ATP8A2: variants seen among roughly 807,000 people sequenced by gnomAD.
ATP8A2 encodes phospholipid-transporting ATPase IB.
ATP8A2 carries 100 observed loss-of-function variants against 165.6 expected under a neutral mutation model. The observed-to-expected ratio is 0.60, with a 90% confidence interval of 0.51 to 0.71. The LOEUF (loss-of-function observed/expected upper bound fraction) is 0.71. ATP8A2 is among the 30% of genes least tolerant of loss of function. The pLI is 0.00. For missense variants in ATP8A2, 1,227 were observed against 1,479.5 expected (o/e 0.83, Z 2.80); for synonymous variants, 543 against 548.8 (o/e 0.99, Z 0.15).
chr13:25,591,693 C>T (rs531440887), intron 24 of ATP8A2, among the ~76,000 whole-genome samples: 1 of 151,810 alleles, frequency 6.6e-6, no homozygotes, highest in Non-Finnish European at 1.5e-5. Flanking sequence ...AGTGATTCAC[C>T]TGCCTCAGCC....
intron 36 of ATP8A2, among the ~76,000 whole-genome samples, chr13:26,013,294 A>G (rs568566633): frequency 2.0e-5 from 3 of 151,306 alleles, no homozygotes; most frequent in Non-Finnish European, 1.5e-5. Context: ...CACCCCCATC[A>G]CGTGCACACG....
At chr13:25,530,195 G>T (rs1211274681) in intron 3 of ATP8A2, 97 bp downstream of exon 3, 5 of 756,536 alleles carry the variant, frequency 6.6e-6, no homozygotes, top group African/African-American at 5.3e-5. Flanking sequence ...TATAATCTTG[G>T]AATATAGTTT....
intron 33 of ATP8A2, among the ~76,000 whole-genome samples, chr13:25,874,411 C>T (rs4770881): frequency 0.053 from 8,026 of 152,276 alleles, 542 homozygotes; most frequent in African/African-American, 0.13. Context: ...CCTGGACCTA[C>T]GTGCTCCTAT....
intron 1 of ATP8A2, among the ~76,000 whole-genome samples, chr13:25,463,646 T>C (rs1278830741): frequency 6.6e-6 from 1 of 152,072 alleles, no homozygotes; most frequent in African/African-American, 2.4e-5. Flanking sequence ...ACGCACACAT[T>C]CCAAGTGAGT....
At chr13:25,567,099 C>G in intron 16 of ATP8A2, 1 of 301,998 alleles carries the variant, frequency 3.3e-6, no homozygotes, top group Non-Finnish European at 6.6e-6. Flanking sequence ...CCCCTACATG[C>G]TACTGGGATT....
At chr13:25,478,787 C>T (rs1227645077) in intron 2 of ATP8A2, among the ~76,000 whole-genome samples, 2 of 152,008 alleles carry the variant, frequency 1.3e-5, no homozygotes, top group Non-Finnish European at 2.9e-5. Context: ...GGACCTAACT[C>T]TCATGTAAGT....
intron 1 of ATP8A2, among the ~76,000 whole-genome samples, chr13:25,403,771 A>G (rs2033713221): frequency 1.3e-5 from 2 of 152,220 alleles, no homozygotes; most frequent in Middle Eastern, 3.2e-3. Flanking sequence ...TTGGTCCCTC[A>G]TTGCAGCTAT....
intron 25 of ATP8A2, among the ~76,000 whole-genome samples, chr13:25,711,424 C>T (rs2043156303): frequency 6.6e-6 from 1 of 152,050 alleles, no homozygotes. Context: ...AGAGCTAGAT[C>T]ACAGGCTGGG....
chr13:25,459,600 G>T (rs1256741986), intron 1 of ATP8A2, among the ~76,000 whole-genome samples: 6 of 152,212 alleles, frequency 3.9e-5, no homozygotes, highest in African/African-American at 1.2e-4. Flanking sequence ...AAGTGAGAAG[G>T]GGAATGCTGT....
chr13:25,992,837 C>T (rs1352907302), intron 35 of ATP8A2, among the ~76,000 whole-genome samples: 3 of 151,558 alleles, frequency 2.0e-5, no homozygotes, highest in African/African-American at 4.8e-5. Context: ...ATCCCTCCCC[C>T]CTTCCCCCAC....
intron 1 of ATP8A2, among the ~76,000 whole-genome samples, chr13:25,403,298 G>T (rs561788697): frequency 4.6e-5 from 7 of 152,066 alleles, no homozygotes; most frequent in African/African-American, 1.4e-4. Flanking sequence ...TGAGACCTAG[G>T]TTTCTATTTA....
At chr13:25,929,029 C>T (rs944965440) in intron 33 of ATP8A2, among the ~76,000 whole-genome samples, 1 of 152,116 alleles carries the variant, frequency 6.6e-6, no homozygotes, top group African/African-American at 2.4e-5. Context: ...TGCAATTTTT[C>T]TATGTGCTTA....
chr13:25,674,498 A>G (rs1184853384), intron 24 of ATP8A2, among the ~76,000 whole-genome samples: 2 of 152,178 alleles, frequency 1.3e-5, no homozygotes, highest in Non-Finnish European at 2.9e-5. Context: ...CTCTTGGCCC[A>G]TCCTTTTCAC....
chr13:25,998,016 C>A (rs969732980), intron 35 of ATP8A2, among the ~76,000 whole-genome samples: 1 of 152,150 alleles, frequency 6.6e-6, no homozygotes, highest in African/African-American at 2.4e-5. Context: ...GACATTTTGG[C>A]TATTATGCTA....
At position 25,953,524 on chromosome 13, in the gene ATP8A2, A is replaced by T. The variant is rs1334859818; in HGVS notation, c.3184-8051A>T. On this transcript the variant is annotated intron_variant, in intron 33 of 36. Coordinates refer to ENST00000381655, the MANE Select transcript of ATP8A2 (RefSeq NM_016529.6). This position sits in a 1 kb window ranked among gnomAD's most constrained non-coding sequence, Gnocchi z 6.7. The stretch of plus-strand genomic sequence containing the variant: ...AGCCCTGGTTACTCCAGCCTTTTTA[A>T]AAAAAAAAAAAAAAAAAAAAAAGCA... Among the ~76,000 whole-genome samples the T allele has an allele frequency of 6.2e-4, 33 of 53,302 alleles. No individual in the cohort carries two copies. The highest frequency in any genetic ancestry group is 5.7e-3 in the South Asian group (8 of 1,404). The allele number at this position is 53,302 out of a possible 152,430, so 35.0% of individuals were successfully genotyped here.
chr13:25,515,347 CA>C (rs1460038942), intron 2 of ATP8A2, among the ~76,000 whole-genome samples: 1 of 152,218 alleles, frequency 6.6e-6, no homozygotes, highest in Admixed American at 6.5e-5. Context: ...TTCTTTGACA[CA>C]ATGACACTCT....
At position 25,484,253 on chromosome 13, in the gene ATP8A2, T is replaced by C. The variant is rs1379201891; in HGVS notation, c.221+15132T>C. 2.6e-5 allele frequency among the ~76,000 whole-genome samples: 4 copies of C among 152,222 alleles called. No homozygotes were observed. In the East Asian group the frequency reaches 5.8e-4, roughly 22 times the overall value. ...TGCAAACAAACACCAAAATTCTTTA[T>C]GATAGAATGGTTAAAACCTTAAACT... On this transcript the variant is annotated intron_variant, in intron 2 of 36. Coordinates refer to ENST00000381655, the MANE Select transcript of ATP8A2 (RefSeq NM_016529.6).
At chr13:25,490,173 C>G (rs1181863273) in intron 2 of ATP8A2, among the ~76,000 whole-genome samples, 1 of 152,130 alleles carries the variant, frequency 6.6e-6, no homozygotes, top group East Asian at 1.9e-4. Flanking sequence ...AGTTCGTGGC[C>G]CCTTTTTCCT....
intron 2 of ATP8A2, among the ~76,000 whole-genome samples, chr13:25,497,916 C>T (rs1273430796): frequency 5.9e-5 from 9 of 151,994 alleles, no homozygotes; most frequent in South Asian, 2.1e-4. Context: ...GAGCCGAGAT[C>T]GCGCCACTGC....
Sources: gnomAD v4.1 joint callset for allele counts (sites outside exome capture counted in the v4.1 genomes callset) on GRCh38, gnomAD v4.1.1 for gene constraint, Gnocchi (gnomAD v3.1) non-coding constraint, MANE v1.5 for transcripts, NCBI Gene and HGNC (gene_info 2026-07-23, HGNC 2026-07-21) for gene names.